MYLK: variants seen among roughly 807,000 people sequenced by gnomAD.
MYLK encodes myosin light chain kinase, smooth muscle.
Under a neutral mutation model 203.4 loss-of-function variants are expected in MYLK, and 106 were observed. The observed-to-expected ratio is 0.52, with a 90% CI of 0.45 to 0.61. The LOEUF is 0.61. MYLK is among the 20% of genes least tolerant of loss of function. The pLI is 0.00. For missense variants in MYLK, 2,072 were observed against 2,442.3 expected (o/e 0.85, Z 3.20); for synonymous variants, 867 against 959.5 (o/e 0.90, Z 1.78).
chr3:123,765,582 C>T (rs2063678545), intron 4 of MYLK, among the ~76,000 whole-genome samples: 1 of 151,378 alleles, frequency 6.6e-6, no homozygotes, highest in Admixed American at 6.6e-5. Context: ...AATTTGTACA[C>T]CCACATTCAT....
chr3:123,809,633 ACT>A (rs1441587808), intron 3 of MYLK, among the ~76,000 whole-genome samples: 1 of 152,194 alleles, frequency 6.6e-6, no homozygotes, highest in Non-Finnish European at 1.5e-5. Context: ...CCACTCGCAC[ACT>A]CTGCTCTGCA....
At chr3:123,805,451 G>C (rs996374265) in intron 3 of MYLK, among the ~76,000 whole-genome samples, 1 of 152,164 alleles carries the variant, frequency 6.6e-6, no homozygotes, top group African/African-American at 2.4e-5. Context: ...AGGAGGGAAG[G>C]TGCTAAATCT....
intron 4 of MYLK, among the ~76,000 whole-genome samples, chr3:123,778,437 C>G (rs535524712): frequency 3.4e-4 from 52 of 151,156 alleles, no homozygotes; most frequent in Non-Finnish European, 7.1e-4. Flanking sequence ...GGCGTGAACC[C>G]GGGAGGTGGA....
chr3:123,788,465 T>A (rs2109073549), intron 4 of MYLK, among the ~76,000 whole-genome samples: 1 of 151,288 alleles, frequency 6.6e-6, no homozygotes, highest in South Asian at 2.1e-4. Context: ...TGTATACATG[T>A]GCCATGCTGG....
chr3:123,793,157 G>C (rs998981359), intron 4 of MYLK, among the ~76,000 whole-genome samples: 2 of 152,154 alleles, frequency 1.3e-5, no homozygotes, highest in Non-Finnish European at 2.9e-5. Context: ...AAGAAGTGGA[G>C]TCCCAGTAAC....
intron 31 of MYLK, chr3:123,624,841 G>A (rs41305837): frequency 6.6e-6 from 1 of 152,320 alleles, no homozygotes; most frequent in Non-Finnish European, 1.5e-5. Flanking sequence ...GCTCAGGATG[G>A]TGGTCACTTA....
intron 3 of MYLK, among the ~76,000 whole-genome samples, chr3:123,796,201 A>AAT (rs1210276908): frequency 6.6e-6 from 1 of 152,212 alleles, no homozygotes. Flanking sequence ...ATAAATAATA[A>AAT]ATAGCTCATT....
intron 4 of MYLK, among the ~76,000 whole-genome samples, chr3:123,787,001 T>C (rs1042048753): frequency 2.6e-5 from 4 of 152,258 alleles, no homozygotes; most frequent in Non-Finnish European, 4.4e-5. Flanking sequence ...AAAAATAGTT[T>C]AGCATTTAAA....
intron 2 of MYLK, among the ~76,000 whole-genome samples, chr3:123,844,164 A>T (rs900278022): frequency 6.6e-6 from 1 of 152,154 alleles, no homozygotes; most frequent in Admixed American, 6.5e-5. Flanking sequence ...AAACAGAGAC[A>T]AAGCAAGGAC....
intron 33 of MYLK, chr3:123,616,940 C>T (rs1007028663): frequency 5.9e-5 from 9 of 152,080 alleles, no homozygotes; most frequent in Admixed American, 2.6e-4. Context: ...TGAGCCCTAA[C>T]CAGAATAAAA....
At chr3:123,775,546 C>G (rs2064041244) in intron 4 of MYLK, among the ~76,000 whole-genome samples, 1 of 152,172 alleles carries the variant, frequency 6.6e-6, no homozygotes, top group African/African-American at 2.4e-5. Flanking sequence ...GATGCTCACT[C>G]TCTATTAGGG....
At chr3:123,808,679 A>G (rs937106800) in intron 3 of MYLK, among the ~76,000 whole-genome samples, 1 of 152,224 alleles carries the variant, frequency 6.6e-6, no homozygotes, top group African/African-American at 2.4e-5. Context: ...CCTAAGGTCC[A>G]GACAAGTGCA....
rs190370476 is a variant in MYLK at position 123,615,318 on chromosome 3, T to C, written c.5501-969A>G. On this transcript the variant is annotated intron_variant, in intron 33 of 33. Coordinates refer to ENST00000360304, the MANE Select transcript of MYLK (RefSeq NM_053025.4). ...ACCTAGATCTGAATACCTTCTTAGA[T>C]TGAAAATACAATTTTCTTTTTCCTT... Among the ~76,000 whole-genome samples, 570 of 152,170 alleles carry C rather than the reference T, an allele frequency of 3.7e-3. 3 individuals are homozygous for C. Among genetic ancestry groups the C allele is most frequent in the Non-Finnish European group, 5.9e-3 (402 of 67,990 alleles).
intron 33 of MYLK, chr3:123,618,275 G>C: frequency 3.4e-6 from 1 of 292,226 alleles, no homozygotes; most frequent in East Asian, 9.1e-5. Flanking sequence ...TCCTTTGAGG[G>C]CCTCATATGG....
At position 123,649,256 on chromosome 3, in the gene MYLK, G is replaced by C; in HGVS notation, c.4289-62C>G. On this transcript the variant is annotated intron_variant, in intron 24 of 33. Transcript: ENST00000360304. ...GTGATTAGTACTGAAGGCCCACTGA[G>C]AGCAAGATGTGCTGGGGGCCCTGCC... 4.4e-6 allele frequency: 7 copies of C among 1,606,714 alleles called. No individual in the cohort carries two copies. In the East Asian group the frequency reaches 6.7e-5, roughly 15 times the overall value.
At chr3:123,839,917 T>C (rs2066552662) in intron 2 of MYLK, among the ~76,000 whole-genome samples, 1 of 152,118 alleles carries the variant, frequency 6.6e-6, no homozygotes, top group South Asian at 2.1e-4. Context: ...CCTAAAATGC[T>C]TGCAGATTAA....
intron 33 of MYLK, chr3:123,618,182 T>C (rs1055979009): frequency 9.8e-6 from 2 of 204,796 alleles, no homozygotes; most frequent in Admixed American, 5.4e-5. Context: ...CTCAGGGGAG[T>C]TGGACCACCA....
intron 16 of MYLK, among the ~76,000 whole-genome samples, chr3:123,706,964 G>A (rs143879047): frequency 5.3e-5 from 8 of 152,274 alleles, no homozygotes; most frequent in South Asian, 2.1e-4. Flanking sequence ...CCTTGAGTAC[G>A]GGCTGTACTT....
chr3:123,811,417 TC>T (rs2065556621), intron 3 of MYLK, among the ~76,000 whole-genome samples: 1 of 152,074 alleles, frequency 6.6e-6, no homozygotes, highest in African/African-American at 2.4e-5. Flanking sequence ...GAATTTGGAA[TC>T]CTATTGGAGA....
Sources: gnomAD v4.1 joint callset for allele counts (sites outside exome capture counted in the v4.1 genomes callset) on GRCh38, gnomAD v4.1.1 for gene constraint, MANE v1.5 for transcripts, NCBI Gene and HGNC (gene_info 2026-07-23, HGNC 2026-07-21) for gene names.